LRRC1: variants seen among roughly 807,000 people sequenced by gnomAD.
LRRC1 encodes the protein leucine rich repeat containing 1.
In LRRC1, 28 loss-of-function variants were observed where a neutral mutation model predicts 69.9. The observed-to-expected ratio is 0.40, with a 90% CI of 0.30 to 0.55. The LOEUF is 0.55. LRRC1 is among the 20% of genes least tolerant of loss of function. LRRC1 has a pLI of 0.47. For missense variants in LRRC1, 498 were observed against 609.0 expected (o/e 0.82, Z 1.92); for synonymous variants, 236 against 240.2 (o/e 0.98, Z 0.16).
intron 4 of LRRC1, among the ~76,000 whole-genome samples, chr6:53,884,422 A>T (rs1036641212): frequency 2.6e-5 from 4 of 152,160 alleles, no homozygotes; most frequent in African/African-American, 9.7e-5. Context: ...AGGAAGGATC[A>T]CTTGAGCCCA....
At chr6:53,881,632 T>C (rs1312291068) in intron 3 of LRRC1, among the ~76,000 whole-genome samples, 1 of 152,222 alleles carries the variant, frequency 6.6e-6, no homozygotes, top group Non-Finnish European at 1.5e-5. Context: ...AATTAACCTA[T>C]ATTAAATATC....
In LRRC1 at chr6:53,879,064, C is replaced by G; in HGVS notation, c.349C>G (p.Leu117Val). ...GGTAGCTGACTTCAGCGGAAACCCA[C>G]TGACTAGGTAAGCTTTCTGCTTACT... ...LQVADFSGNPLTRLPESFPEL... is the reference protein window; with the variant it reads ...LQVADFSGNPVTRLPESFPEL... Residue 117 changes from leucine to valine, a missense_variant, in exon 3 of 14, where the codon CTG becomes GTG. By Grantham distance (32) the Leu-to-Val change is conservative (BLOSUM62 1). Transcript: ENST00000370888. 6.2e-7 allele frequency: 1 copy of G among 1,611,238 alleles called. No individual in the cohort carries two copies. Among genetic ancestry groups the G allele is most frequent in the Non-Finnish European group, 8.5e-7 (1 of 1,177,806 alleles).
intron 2 of LRRC1, among the ~76,000 whole-genome samples, chr6:53,860,582 G>T (rs1766464672): frequency 6.6e-6 from 1 of 152,070 alleles, no homozygotes; most frequent in South Asian, 2.1e-4. Context: ...TATAGTAGAA[G>T]GATTTTTTTT....
chr6:53,804,312 A>G (rs1764576121), intron 1 of LRRC1, among the ~76,000 whole-genome samples: 3 of 152,192 alleles, frequency 2.0e-5, no homozygotes, highest in Non-Finnish European at 4.4e-5. Flanking sequence ...GTTTTGATAC[A>G]TGTGTACATT....
At chr6:53,848,762 CT>C (rs111478096) in intron 2 of LRRC1, among the ~76,000 whole-genome samples, 3 of 149,932 alleles carry the variant, frequency 2.0e-5, no homozygotes, top group Admixed American at 6.7e-5. Flanking sequence ...TTCTTTTACT[CT>C]TTTTTTTTTC....
Position 53,896,903 on chromosome 6 carries a change from AT to A in LRRC1, c.567+13del. ...GAAATATATAATTTGGTAAGTCCGT[AT>A]TAGAGATTTGAATTTAACTTTGTTT... On this transcript the variant is annotated intron_variant, in intron 6 of 13. Coordinates refer to ENST00000370888, the MANE Select transcript of LRRC1 (RefSeq NM_018214.5). 6.5e-7 allele frequency: 1 copy of A among 1,531,580 alleles called. No individual in the cohort carries two copies. Among genetic ancestry groups the A allele is most frequent in the Non-Finnish European group, 9.0e-7 (1 of 1,107,048 alleles). The allele number at this position is 1,531,580 out of a possible 1,614,324, so 94.9% of individuals were successfully genotyped here. A position where few individuals can be genotyped will look rare whatever the true frequency, so the allele number is the denominator to read the frequency against.
chr6:53,915,617 C>T lies in LRRC1; in HGVS notation c.1106+1648C>T, dbSNP rs139275691. 3.3e-3 allele frequency among the ~76,000 whole-genome samples: 500 copies of T among 152,148 alleles called. 2 individuals are homozygous for T. The highest frequency in any genetic ancestry group is 0.011 in the African/African-American group (474 of 41,490). Reference sequence around the variant, plus strand: ...TTGAGCCGAAAGATGGCTGTGATGCCGAAAAACTGTTTTTACATGAATGAA... The same window carrying T: ...TTGAGCCGAAAGATGGCTGTGATGCTGAAAAACTGTTTTTACATGAATGAA... On this transcript the variant is annotated intron_variant, in intron 11 of 13. Transcript: ENST00000370888.
At chr6:53,894,344 C>T (rs1467161327) in intron 4 of LRRC1, among the ~76,000 whole-genome samples, 1 of 152,216 alleles carries the variant, frequency 6.6e-6, no homozygotes, top group Non-Finnish European at 1.5e-5. Flanking sequence ...GTTTCTCCCC[C>T]TTGGCTCTGG....
At chr6:53,881,014 T>C (rs1333743597) in intron 3 of LRRC1, among the ~76,000 whole-genome samples, 1 of 152,230 alleles carries the variant, frequency 6.6e-6, no homozygotes, top group Admixed American at 6.5e-5. Context: ...GACTTTACTA[T>C]TATTTCAGTG....
chr6:53,879,646 C>T (rs1157443080), intron 3 of LRRC1, among the ~76,000 whole-genome samples: 1 of 152,090 alleles, frequency 6.6e-6, no homozygotes, highest in Non-Finnish European at 1.5e-5. Context: ...AACAAAAAAA[C>T]CCAAAAAACC....
chr6:53,854,547 G>A (rs1050393407), intron 2 of LRRC1, among the ~76,000 whole-genome samples: 3 of 151,998 alleles, frequency 2.0e-5, no homozygotes, highest in Non-Finnish European at 2.9e-5. Context: ...AACTGTCTCC[G>A]AGAAATAAGC....
At chr6:53,795,496 C>A in intron 1 of LRRC1, 81 bp downstream of exon 1, 2 of 1,400,382 alleles carry the variant, frequency 1.4e-6, no homozygotes, top group Non-Finnish European at 9.5e-7. Context: ...TCCCCTCTTC[C>A]ATCTCCGGGT....
intron 11 of LRRC1, among the ~76,000 whole-genome samples, chr6:53,917,266 C>G (rs918976179): frequency 6.6e-6 from 1 of 152,096 alleles, no homozygotes; most frequent in African/African-American, 2.4e-5. Context: ...GGGAACAGTG[C>G]CTTTTTTTCT....
At position 53,919,621 on chromosome 6, in the gene LRRC1, T is replaced by C. The variant is rs1768678822; in HGVS notation, c.1230T>C (p.Ile410=). The C allele has an allele frequency of 6.2e-7, 1 of 1,613,786 alleles. No individual in the cohort carries two copies. The highest frequency in any genetic ancestry group is 1.1e-5 in the South Asian group (1 of 91,032). ...TDTDYTTGEK[I]LTCVLLPQLP... is the part of the protein sequence containing the mutation. ...CAGACTACACCACAGGAGAGAAGAT[T>C]TTAACCTGTGTCTTACTTCCTCAGC... Residue 410 remains isoleucine (I), a synonymous_variant, in exon 12 of 14, where the codon ATT becomes ATC. Coordinates refer to ENST00000370888, the MANE Select transcript of LRRC1 (RefSeq NM_018214.5).
chr6:53,901,358 A>G (rs1768050791), intron 8 of LRRC1, among the ~76,000 whole-genome samples: 1 of 152,112 alleles, frequency 6.6e-6, no homozygotes, highest in African/African-American at 2.4e-5. Context: ...TGGGCATCAT[A>G]GTGAGACTTC....
At chr6:53,915,876 G>C (rs546974449) in intron 11 of LRRC1, among the ~76,000 whole-genome samples, 1 of 151,832 alleles carries the variant, frequency 6.6e-6, no homozygotes, top group East Asian at 1.9e-4. Flanking sequence ...TTTTAAAAAG[G>C]GCTACCTTGT....
chr6:53,840,187 T>C (rs1385291103), intron 1 of LRRC1, among the ~76,000 whole-genome samples: 1 of 152,216 alleles, frequency 6.6e-6, no homozygotes, highest in Non-Finnish European at 1.5e-5. Flanking sequence ...AACTGAACTT[T>C]TTGATACCAT....
At chr6:53,900,020 GTTT>G (rs869246243) in intron 8 of LRRC1, 129 bp downstream of exon 8, 2,634 of 190,056 alleles carry the variant, frequency 0.014, 67 homozygotes, top group South Asian at 0.019. Flanking sequence ...TCTCCTTACT[GTTT>G]TTTTTTTTTT....
intron 4 of LRRC1, among the ~76,000 whole-genome samples, chr6:53,889,679 G>A (rs534334968): frequency 6.6e-6 from 1 of 151,920 alleles, no homozygotes; most frequent in Admixed American, 6.6e-5. Context: ...TTTTCTTTTC[G>A]GTATGATGAA....
Sources: allele counts gnomAD v4.1 joint callset (sites outside exome capture counted in the v4.1 genomes callset), GRCh38; gene constraint gnomAD v4.1.1; transcripts MANE v1.5; gene names NCBI Gene and HGNC (gene_info 2026-07-23, HGNC 2026-07-21).